Variants in SNX29 observed in about 807,000 individuals in gnomAD.
The protein encoded by SNX29 is sorting nexin-29.
Under a neutral mutation model 102.1 loss-of-function variants are expected in SNX29, and 78 were observed. The ratio of observed to expected loss-of-function variants is 0.76; its 90% CI spans 0.64 to 0.92. The LOEUF (loss-of-function observed/expected upper bound fraction) is 0.92. SNX29 is among the 40% of genes least tolerant of loss of function. The pLI is 0.00. For synonymous variants in SNX29, 580 were observed against 414.5 expected, an observed-to-expected ratio of 1.40 and a Z score of -4.85; for missense variants, 1,280 against 1,061.7, an observed-to-expected ratio of 1.21 and a Z score of -2.86.
rs1024864982 is a variant in SNX29, at chr16:12,064,276, G to T, written c.1243+2630G>T. On this transcript the variant is annotated intron_variant, in intron 9 of 20. Coordinates refer to ENST00000566228, the MANE Select transcript of SNX29 (RefSeq NM_032167.5). ...CAGACATCCGGGTCTCCTTTTTCGT[G>T]CATGTTGGGCTTTGGTCTTAGAGAA... 7.9e-5 allele frequency among the ~76,000 whole-genome samples: 12 copies of T among 152,234 alleles called. 1 individual carries two copies. Among genetic ancestry groups the T allele is most frequent in the Admixed American group, 7.2e-4 (11 of 15,292 alleles).
intron 13 of SNX29, among the ~76,000 whole-genome samples, chr16:12,130,474 C>CAAAAA (rs71139578): frequency 2.9e-4 from 16 of 55,904 alleles, no homozygotes; most frequent in African/African-American, 5.9e-4. Flanking sequence ...GACTCCGTCT[C>CAAAAA]AAAAAAAAAA....
intron 13 of SNX29, among the ~76,000 whole-genome samples, chr16:12,155,137 G>A (rs2055486375): frequency 6.6e-6 from 1 of 152,054 alleles, no homozygotes; most frequent in African/African-American, 2.4e-5. Context: ...CCCGTTGGTT[G>A]CCCCACCACC....
chr16:12,013,382 G>T (rs1264306562), intron 3 of SNX29, among the ~76,000 whole-genome samples: 2 of 148,086 alleles, frequency 1.4e-5, no homozygotes, highest in African/African-American at 5.0e-5. Flanking sequence ...GGTGGTTCAC[G>T]CCTGTAATCC....
chr16:12,325,578 G>A (rs2081088939), intron 15 of SNX29, among the ~76,000 whole-genome samples: 1 of 152,180 alleles, frequency 6.6e-6, no homozygotes, highest in Non-Finnish European at 1.5e-5. Flanking sequence ...AGGTAGTGAA[G>A]CAGATAAAAT....
chr16:12,055,845 C>T (rs994914238), intron 8 of SNX29, among the ~76,000 whole-genome samples: 18 of 152,152 alleles, frequency 1.2e-4, no homozygotes, highest in Admixed American at 3.9e-4. Context: ...TATTGTGGCC[C>T]AGCAAAATTG....
chr16:12,036,955 G>T (rs2057493349), intron 4 of SNX29, among the ~76,000 whole-genome samples: 1 of 152,062 alleles, frequency 6.6e-6, no homozygotes, highest in African/African-American at 2.4e-5. Flanking sequence ...GATTAAGGGG[G>T]TCTGCCTTCT....
chr16:12,072,263 C>G (rs2051335119), intron 10 of SNX29, among the ~76,000 whole-genome samples: 1 of 152,158 alleles, frequency 6.6e-6, no homozygotes, highest in South Asian at 2.1e-4. Flanking sequence ...AAAGGGAATG[C>G]TTTCAGTTTT....
chr16:12,022,091 G>GTTT (rs34463878), intron 3 of SNX29, among the ~76,000 whole-genome samples: 12 of 131,202 alleles, frequency 9.1e-5, no homozygotes, highest in Non-Finnish European at 1.3e-4. Flanking sequence ...CTGGGGGGAA[G>GTTT]TTTTTTTTTT....
At chr16:12,119,448 T>C (rs182278845) in intron 11 of SNX29, among the ~76,000 whole-genome samples, 2 of 152,210 alleles carry the variant, frequency 1.3e-5, no homozygotes, top group East Asian at 3.9e-4. Flanking sequence ...TTGCAAGGGG[T>C]TTTTCTTCTG....
intron 15 of SNX29, among the ~76,000 whole-genome samples, chr16:12,338,681 G>C (rs980564047): frequency 3.9e-5 from 6 of 152,152 alleles, no homozygotes; most frequent in African/African-American, 1.4e-4. Context: ...ATCAGAAATG[G>C]CTAGCTTGAT....
At chr16:12,558,534 A>ACC (rs1436387344) in intron 20 of SNX29, among the ~76,000 whole-genome samples, 1 of 152,114 alleles carries the variant, frequency 6.6e-6, no homozygotes, top group East Asian at 1.9e-4. Context: ...GGATGCACAC[A>ACC]CCCCACAGTG....
intron 11 of SNX29, among the ~76,000 whole-genome samples, chr16:12,083,856 T>C (rs4781174): frequency 0.23 from 35,598 of 152,224 alleles, 4,965 homozygotes; most frequent in African/African-American, 0.39. Context: ...CCTGGCTTCG[T>C]GTAATAATCT....
intron 14 of SNX29, among the ~76,000 whole-genome samples, chr16:12,215,228 C>T (rs2077289767): frequency 6.6e-6 from 1 of 151,792 alleles, no homozygotes; most frequent in Non-Finnish European, 1.5e-5. Context: ...GGCACGGCGG[C>T]TTCCACCTGT....
intron 2 of SNX29, 84 bp downstream of exon 2, chr16:11,999,442 C>G (rs2056207415): frequency 7.6e-7 from 1 of 1,321,224 alleles, no homozygotes; most frequent in Non-Finnish European, 1.1e-6. Context: ...CTATAACATA[C>G]ACAGACTAAC....
intron 14 of SNX29, among the ~76,000 whole-genome samples, chr16:12,218,708 A>G (rs1048370806): frequency 6.6e-6 from 1 of 152,200 alleles, no homozygotes; most frequent in African/African-American, 2.4e-5. Context: ...TCATGTGGCT[A>G]TGCTATAATT....
intron 15 of SNX29, among the ~76,000 whole-genome samples, chr16:12,314,406 C>T (rs914928684): frequency 2.6e-5 from 4 of 152,256 alleles, no homozygotes; most frequent in African/African-American, 9.6e-5. Context: ...CGAGTGGACT[C>T]TGGAGCCAGA....
chr16:12,207,609 A>G (rs772932893), intron 14 of SNX29, among the ~76,000 whole-genome samples: 2 of 152,028 alleles, frequency 1.3e-5, no homozygotes, highest in African/African-American at 2.4e-5. Context: ...TGCCCCCATC[A>G]CAAACACTTT....
chr16:12,360,331 T>C (rs562394089), intron 16 of SNX29, among the ~76,000 whole-genome samples: 5 of 152,356 alleles, frequency 3.3e-5, no homozygotes, highest in East Asian at 3.9e-4. Flanking sequence ...TCCCTTGTCT[T>C]TTTTGTCATT....
At chr16:12,546,066 G>A (rs998671414) in intron 20 of SNX29, among the ~76,000 whole-genome samples, 2 of 152,174 alleles carry the variant, frequency 1.3e-5, no homozygotes, top group African/African-American at 4.8e-5. Context: ...AAGCAGTCCT[G>A]GGTTTGAGTC....
Sources: allele counts gnomAD v4.1 joint callset (sites outside exome capture counted in the v4.1 genomes callset), GRCh38; gene constraint gnomAD v4.1.1; transcripts MANE v1.5; gene names NCBI Gene and HGNC (gene_info 2026-07-23, HGNC 2026-07-21).